KCNS3: variants seen among roughly 807,000 people sequenced by gnomAD.
The protein encoded by KCNS3 is delayed-rectifier potassium channel regulatory subunit KCNS3.
A neutral mutation model predicts 31.0 loss-of-function variants in KCNS3; 13 were observed. The ratio of observed to expected loss-of-function variants is 0.42; its 90% CI spans 0.27 to 0.67. The LOEUF (loss-of-function observed/expected upper bound fraction) is 0.67, where lower values mean the gene tolerates loss of function less well. Ranked by LOEUF, KCNS3 falls within the 30% of genes least tolerant of loss-of-function variation. The pLI is 0.25. For synonymous variants in KCNS3, 238 were observed against 241.5 expected, an observed-to-expected ratio of 0.99 and a Z score of 0.13; for missense variants, 545 against 622.4, an observed-to-expected ratio of 0.88 and a Z score of 1.32.
At chr2:17,906,068 C>T (rs189401653) in intron 1 of KCNS3, among the ~76,000 whole-genome samples, 14 of 152,244 alleles carry the variant, frequency 9.2e-5, no homozygotes, top group East Asian at 3.9e-4. Flanking sequence ...CTGATGAATT[C>T]GGCTGTGAAT....
intron 1 of KCNS3, among the ~76,000 whole-genome samples, chr2:17,915,464 C>T (rs917198719): frequency 6.6e-6 from 1 of 152,262 alleles, no homozygotes; most frequent in Admixed American, 6.5e-5. Flanking sequence ...TCCCCCCAAT[C>T]CCTGCTTGAC....
Position 17,931,668 on chromosome 2 carries a change from G to A in KCNS3, c.660G>A (p.Pro220=), listed in dbSNP as rs145593758. The A allele has an allele frequency of 1.5e-3, 2,356 of 1,614,182 alleles. 51 individuals are homozygous for A. Among genetic ancestry groups the A allele is most frequent in the African/African-American group, 2.2e-3 (166 of 75,042 alleles). Residue 220 remains proline (P), a synonymous_variant, in exon 3 of 3, where the codon CCG becomes CCA. Coordinates refer to ENST00000304101, the MANE Select transcript of KCNS3 (RefSeq NM_002252.5). The surrounding 1 kb of genome is among the most constrained non-coding windows in gnomAD (Gnocchi z 5.4). ...ATGAGGATGGAGAAGTGGATGATCC[G>A]GTGCTGGAAGGAGTGGAGATCGCGT... ...FQNEDGEVDD[P]VLEGVEIACI...
chr2:17,894,849 C>G (rs1025815896), intron 1 of KCNS3, among the ~76,000 whole-genome samples: 1 of 152,144 alleles, frequency 6.6e-6, no homozygotes, highest in African/African-American at 2.4e-5. Context: ...TTCCTCAGCT[C>G]AATTCTACCT....
intron 1 of KCNS3, among the ~76,000 whole-genome samples, chr2:17,893,453 G>A (rs144261259): frequency 5.3e-5 from 8 of 152,204 alleles, no homozygotes; most frequent in Non-Finnish European, 8.8e-5. Flanking sequence ...TTCTCGCCCC[G>A]TTCAAATTGT....
intron 1 of KCNS3, among the ~76,000 whole-genome samples, chr2:17,886,353 T>A (rs1661654277): frequency 6.6e-6 from 1 of 152,226 alleles, no homozygotes; most frequent in Admixed American, 6.5e-5. Flanking sequence ...GGTTGAATAC[T>A]GTTGTTTGTA....
At chr2:17,878,135 T>G (rs1674548661), upstream of KCNS3, 1 of 152,274 alleles carries the variant, frequency 6.6e-6, no homozygotes, top group African/African-American at 2.4e-5. Flanking sequence ...TGGCAGGAAC[T>G]GGAGCTATAT....
At chr2:17,893,514 C>A (rs113042466) in intron 1 of KCNS3, among the ~76,000 whole-genome samples, 1 of 152,246 alleles carries the variant, frequency 6.6e-6, no homozygotes, top group Non-Finnish European at 1.5e-5. Context: ...TTACCCCCTG[C>A]ATCTCTGGGC....
At chr2:17,921,180 A>G (rs1364772285) in intron 2 of KCNS3, among the ~76,000 whole-genome samples, 1 of 152,258 alleles carries the variant, frequency 6.6e-6, no homozygotes, top group Non-Finnish European at 1.5e-5. Context: ...AAAGATGCTT[A>G]GCACATTTTT....
chr2:17,931,240 T>C lies in KCNS3; in HGVS notation c.232T>C (p.Tyr78His). 6.2e-7 allele frequency: 1 copy of C among 1,614,068 alleles called. No homozygotes were observed. Reference sequence around the variant, plus strand: ...TGATCGGAATCCCTCCTTGTTCAGATATGTTTTGAATTTTTATTACACGGG... The same window carrying C: ...TGATCGGAATCCCTCCTTGTTCAGACATGTTTTGAATTTTTATTACACGGG... ...YFDRNPSLFRYVLNFYYTGKL... is the reference protein window; with the variant it reads ...YFDRNPSLFRHVLNFYYTGKL... Residue 78 changes from tyrosine (Y) to histidine (H), a missense_variant, in exon 3 of 3, where the codon TAT (tyrosine) becomes CAT (histidine). Tyr to His is a moderately conservative substitution (Grantham distance 83, BLOSUM62 2). Transcript: ENST00000304101. The surrounding 1 kb of genome is among the most constrained non-coding windows in gnomAD (Gnocchi z 5.4).
chr2:17,922,971 A>T (rs1301518435), intron 2 of KCNS3, among the ~76,000 whole-genome samples: 1 of 152,120 alleles, frequency 6.6e-6, no homozygotes, highest in East Asian at 1.9e-4. Context: ...CTAGGAATGG[A>T]ATTGCTGGGT....
At chr2:17,885,046 T>G (rs1005545965) in intron 1 of KCNS3, among the ~76,000 whole-genome samples, 1 of 152,164 alleles carries the variant, frequency 6.6e-6, no homozygotes, top group Admixed American at 6.5e-5. Context: ...GTGGGTTATT[T>G]TTTATAAATT....
chr2:17,881,708 C>G (rs1316782556), intron 1 of KCNS3, among the ~76,000 whole-genome samples: 1 of 152,192 alleles, frequency 6.6e-6, no homozygotes, highest in East Asian at 1.9e-4. Context: ...CTGTGAGATT[C>G]AGTTTTCCTC....
In KCNS3 at chr2:17,905,246, A is replaced by T. The variant is rs1281588524; in HGVS notation, c.-251-12434A>T. Reference sequence around the variant, plus strand: ...AAGTGCGAATGGGACTTCACTCATGATTTGGCTCTCTGTTTGTCTGTTATT... The same window carrying T: ...AAGTGCGAATGGGACTTCACTCATGTTTTGGCTCTCTGTTTGTCTGTTATT... On this transcript the variant is annotated intron_variant, in intron 1 of 2. Transcript: ENST00000304101. Among the ~76,000 whole-genome samples the T allele has an allele frequency of 7.9e-5, 12 of 152,258 alleles. No individual in the cohort carries two copies. In the South Asian group the frequency reaches 2.5e-3, roughly 32 times the overall value.
chr2:17,914,947 A>C (rs1030922008), intron 1 of KCNS3, among the ~76,000 whole-genome samples: 3 of 152,230 alleles, frequency 2.0e-5, no homozygotes, highest in African/African-American at 7.2e-5. Context: ...ATTCTCACTC[A>C]TGTGGACTGT....
At chr2:17,879,022 C>A (rs557961823) in intron 1 of KCNS3, among the ~76,000 whole-genome samples, 23 of 152,334 alleles carry the variant, frequency 1.5e-4, no homozygotes, top group African/African-American at 4.8e-4. Flanking sequence ...CAGAGCCCGC[C>A]GTCGCTGGAG....
At chr2:17,882,263 A>G (rs1328865956) in intron 1 of KCNS3, among the ~76,000 whole-genome samples, 2 of 152,204 alleles carry the variant, frequency 1.3e-5, no homozygotes, top group African/African-American at 2.4e-5. Flanking sequence ...AAAAATCACA[A>G]TGACTCGGTC....
upstream of KCNS3, chr2:17,878,540 G>A (rs1409939743): frequency 6.6e-6 from 1 of 150,664 alleles, no homozygotes; most frequent in Non-Finnish European, 1.5e-5. Flanking sequence ...CGGGCCCGAA[G>A]CGAGGGGCTG....
intron 2 of KCNS3, among the ~76,000 whole-genome samples, chr2:17,921,703 C>T (rs1271803387): frequency 6.6e-6 from 1 of 151,512 alleles, no homozygotes; most frequent in Non-Finnish European, 1.5e-5. Context: ...GGAGATGCTA[C>T]ACATTTTCAA....
At chr2:17,882,485 C>G (rs930032106) in intron 1 of KCNS3, among the ~76,000 whole-genome samples, 2 of 152,194 alleles carry the variant, frequency 1.3e-5, no homozygotes, top group Admixed American at 6.5e-5. Flanking sequence ...CCTCACTTCT[C>G]TCTGGAGCTA....
Sources: gnomAD v4.1 joint callset for allele counts (sites outside exome capture counted in the v4.1 genomes callset) on GRCh38, gnomAD v4.1.1 for gene constraint, Gnocchi (gnomAD v3.1) non-coding constraint, MANE v1.5 for transcripts, NCBI Gene and HGNC (gene_info 2026-07-23, HGNC 2026-07-21) for gene names.